GRIK5: variants seen among roughly 807,000 people sequenced by gnomAD.
GRIK5 encodes glutamate receptor ionotropic, kainate 5.
A neutral mutation model predicts 97.4 loss-of-function variants in GRIK5; 43 were observed. That is an observed-to-expected ratio of 0.44 (90% CI 0.35 to 0.57). The LOEUF (loss-of-function observed/expected upper bound fraction) is 0.57. Among genes scored for constraint, GRIK5 ranks in the 20% least tolerant of loss-of-function variants. The pLI is 0.01. For synonymous variants in GRIK5, 580 were observed against 583.5 expected (o/e 0.99, Z 0.09); for missense variants, 1,015 against 1,382.0 (o/e 0.73, Z 4.21).
At chr19:42,019,347 C>T (rs1011926363) in intron 15 of GRIK5, among the ~76,000 whole-genome samples, 1 of 152,198 alleles carries the variant, frequency 6.6e-6, no homozygotes, top group African/African-American at 2.4e-5. Context: ...TTCACCTCCT[C>T]AGGGGACCCT....
At chr19:42,008,919 G>A (rs898585394) in intron 15 of GRIK5, among the ~76,000 whole-genome samples, 12 of 152,204 alleles carry the variant, frequency 7.9e-5, no homozygotes, top group African/African-American at 1.9e-4. Context: ...ATTAGACACC[G>A]GCAGCAGAAA....
At chr19:42,020,647 A>G (rs1279153979) in intron 15 of GRIK5, among the ~76,000 whole-genome samples, 1 of 152,194 alleles carries the variant, frequency 6.6e-6, no homozygotes, top group Non-Finnish European at 1.5e-5. Flanking sequence ...GAAGCCAGCT[A>G]AAACCCACCA....
At chr19:42,045,788 C>T (rs1284341579) in intron 11 of GRIK5, among the ~76,000 whole-genome samples, 1 of 152,122 alleles carries the variant, frequency 6.6e-6, no homozygotes, top group Non-Finnish European at 1.5e-5. Context: ...ATTCCGTCAG[C>T]GTGGGATGGC....
At chr19:42,059,251 C>T (rs1337162334) in intron 6 of GRIK5, 98 bp downstream of exon 6, 7 of 866,958 alleles carry the variant, frequency 8.1e-6, no homozygotes, top group Non-Finnish European at 1.3e-5. Context: ...CTTGAAGCCC[C>T]CTTTTGACTC....
In GRIK5 at chr19:42,065,561, A is replaced by G; in HGVS notation, c.79+131T>C. 1.0e-6 allele frequency: 1 copy of G among 971,846 alleles called. No individual in the cohort carries two copies. Among genetic ancestry groups the G allele is most frequent in the Non-Finnish European group, 1.5e-6 (1 of 656,022 alleles). 60.2% of individuals were successfully genotyped at this position (971,846 alleles called of 1,614,324 possible). On this transcript the variant is annotated intron_variant, in intron 2 of 19. Coordinates refer to ENST00000593562, the MANE Select transcript of GRIK5 (RefSeq NM_002088.5). This position sits in a 1 kb window ranked among gnomAD's most constrained non-coding sequence, Gnocchi z 5.8. ...TGGACTCCTGGGTCCTGGGGGAAGG[A>G]GGAACTGGAGGCTGGGATTCCTTGC...
intron 11 of GRIK5, among the ~76,000 whole-genome samples, chr19:42,044,909 G>C (rs1294540323): frequency 6.6e-6 from 1 of 152,246 alleles, no homozygotes; most frequent in African/African-American, 2.4e-5. Context: ...CTGCAGGCCA[G>C]CCTGGGAGAT....
rs1001174636 is a variant in GRIK5, at chr19:42,065,130, G to A, written c.244+93C>T. On this transcript the variant is annotated intron_variant, in intron 3 of 19. Coordinates refer to ENST00000593562, the MANE Select transcript of GRIK5 (RefSeq NM_002088.5). The surrounding 1 kb of genome is among the most constrained non-coding windows in gnomAD (Gnocchi z 5.8). The stretch of plus-strand genomic sequence containing the variant: ...GAAGGGGGAGGATGGAGCTAGAAGA[G>A]GACAAGGCCAGGCCAGAGGCCAGGG... 1.2e-5 allele frequency: 13 copies of A among 1,113,254 alleles called. No homozygotes were observed. Among genetic ancestry groups the A allele is most frequent in the African/African-American group, 1.5e-5 (1 of 64,708 alleles). The allele number at this position is 1,113,254 out of a possible 1,614,324, so 69.0% of individuals were successfully genotyped here. A position where few individuals can be genotyped will look rare whatever the true frequency, so the allele number is the denominator to read the frequency against.
intron 17 of GRIK5, among the ~76,000 whole-genome samples, chr19:42,004,245 G>A (rs1022993128): frequency 1.3e-5 from 2 of 152,108 alleles, no homozygotes; most frequent in East Asian, 1.9e-4. Context: ...ATCATCTTTC[G>A]TCTGCATCCA....
In GRIK5 at chr19:42,013,412, T is replaced by C. The variant is rs564843092; in HGVS notation, c.1872-6602A>G. 1.4e-3 allele frequency among the ~76,000 whole-genome samples: 193 copies of C among 140,924 alleles called. 2 individuals carry two copies. The highest frequency in any genetic ancestry group is 4.7e-3 in the African/African-American group (179 of 38,380). The allele number at this position is 140,924 out of a possible 152,430, so 92.5% of individuals were successfully genotyped here. On this transcript the variant is annotated intron_variant, in intron 15 of 19. Transcript: ENST00000593562. ...TTTTTTTTCTTTTTTTCTTTTCTTTTTTTTTTTTTTTTTTTGAGATGGAGT... is the reference window on the plus strand; with the variant it reads ...TTTTTTTTCTTTTTTTCTTTTCTTTCTTTTTTTTTTTTTTTGAGATGGAGT...
At chr19:42,046,488 A>G (rs1405495623) in intron 11 of GRIK5, among the ~76,000 whole-genome samples, 1 of 152,222 alleles carries the variant, frequency 6.6e-6, no homozygotes, top group Non-Finnish European at 1.5e-5. Flanking sequence ...AATTTACCCT[A>G]CAAATGGCTG....
At chr19:42,008,095 G>A (rs964660507) in intron 15 of GRIK5, among the ~76,000 whole-genome samples, 4 of 151,702 alleles carry the variant, frequency 2.6e-5, no homozygotes, top group Non-Finnish European at 4.4e-5. Flanking sequence ...GCAGTGGTGT[G>A]ATCTTGGCCA....
In GRIK5 at chr19:42,053,671, A is replaced by G. The variant is rs1482965587; in HGVS notation, c.1200T>C (p.Asn400=). ...VWYSNRTLAM[N]ATTLDINLSQ... ...ACAGGTTGATGTCCAGGGTGGTGGC[A>G]TTCATGGCCAGGGTGCGGTTAGAGT... The change falls in exon 11 of 20, where the codon AAT becomes AAC. Residue 400 remains asparagine (N), a synonymous_variant. Transcript: ENST00000593562. 1 of 1,613,434 alleles carries G rather than the reference A, an allele frequency of 6.2e-7. No individual in the cohort carries two copies. Among genetic ancestry groups the G allele is most frequent in the South Asian group, 1.1e-5 (1 of 91,074 alleles).
intron 12 of GRIK5, among the ~76,000 whole-genome samples, chr19:42,033,317 CA>C (rs1006793815): frequency 0.054 from 2,286 of 42,214 alleles, 25 homozygotes; most frequent in East Asian, 0.25. Context: ...GACTCCGTCT[CA>C]AAAAAAAAAA....
At chr19:42,008,031 TA>T (rs2075514568) in intron 15 of GRIK5, among the ~76,000 whole-genome samples, 1 of 152,086 alleles carries the variant, frequency 6.6e-6, no homozygotes, top group African/African-American at 2.4e-5. Flanking sequence ...GTCTGTTATG[TA>T]ATTTTTTTTT....
intron 17 of GRIK5, among the ~76,000 whole-genome samples, chr19:42,005,296 T>C (rs1006343946): frequency 1.4e-5 from 2 of 141,660 alleles, no homozygotes; most frequent in Admixed American, 7.0e-5. Flanking sequence ...AATAGGCACA[T>C]ACAAGTCTCC....
intron 12 of GRIK5, among the ~76,000 whole-genome samples, chr19:42,030,307 G>A (rs868010866): frequency 2.0e-5 from 3 of 152,064 alleles, no homozygotes; most frequent in Admixed American, 6.6e-5. Context: ...TCAGCTTCCT[G>A]AGTAGCTGGG....
intron 11 of GRIK5, among the ~76,000 whole-genome samples, chr19:42,046,391 C>A (rs2076043587): frequency 6.6e-6 from 1 of 152,162 alleles, no homozygotes; most frequent in African/African-American, 2.4e-5. Flanking sequence ...AGCCTCAAAT[C>A]CAGGGTCTTC....
At chr19:42,016,828 T>G (rs1475217966) in intron 15 of GRIK5, among the ~76,000 whole-genome samples, 1 of 152,122 alleles carries the variant, frequency 6.6e-6, no homozygotes, top group Non-Finnish European at 1.5e-5. Flanking sequence ...TGTGGGCCAC[T>G]GGTGCTCAGC....
chr19:42,034,768 C>T (rs1039655415), intron 12 of GRIK5, among the ~76,000 whole-genome samples: 1 of 151,430 alleles, frequency 6.6e-6, no homozygotes, highest in African/African-American at 2.4e-5. Context: ...ACGCACCAGA[C>T]ACTTTTATCT....
Sources: allele counts gnomAD v4.1 joint callset (sites outside exome capture counted in the v4.1 genomes callset), GRCh38; gene constraint gnomAD v4.1.1; non-coding constraint Gnocchi (gnomAD v3.1); transcripts MANE v1.5; gene names NCBI Gene and HGNC (gene_info 2026-07-23, HGNC 2026-07-21).